PRKG2: variants seen among roughly 807,000 people sequenced by gnomAD.
PRKG2 encodes the protein protein kinase cGMP-dependent 2, also known as cGMP-dependent protein kinase 2.
A neutral mutation model predicts 97.2 loss-of-function variants in PRKG2; 33 were observed. The observed-to-expected ratio is 0.34, with a 90% CI of 0.26 to 0.45. PRKG2 has a LOEUF of 0.45. Among genes scored for constraint, PRKG2 ranks in the 20% least tolerant of loss-of-function variants. The pLI is 1.00. For missense variants in PRKG2, 638 were observed against 900.0 expected, an observed-to-expected ratio of 0.71 and a Z score of 3.73; for synonymous variants, 330 against 321.8, an observed-to-expected ratio of 1.03 and a Z score of -0.27.
At chr4:81,213,308 A>G (rs933776220) in intron 1 of PRKG2, among the ~76,000 whole-genome samples, 3 of 152,230 alleles carry the variant, frequency 2.0e-5, no homozygotes, top group African/African-American at 7.2e-5. Flanking sequence ...ATGAACATAT[A>G]GGTAATATCT....
At chr4:81,116,772 T>C (rs923669858) in intron 14 of PRKG2, among the ~76,000 whole-genome samples, 1 of 152,092 alleles carries the variant, frequency 6.6e-6, no homozygotes, top group Admixed American at 6.6e-5. Context: ...TGATTAGTGA[T>C]GTTGAGCATT....
chr4:81,179,612 G>A (rs1042091936), intron 2 of PRKG2, among the ~76,000 whole-genome samples: 7 of 152,134 alleles, frequency 4.6e-5, no homozygotes, highest in African/African-American at 1.7e-4. Context: ...ATTAAAGAAA[G>A]CTTGTATTTA....
intron 2 of PRKG2, among the ~76,000 whole-genome samples, chr4:81,183,327 G>A (rs1316337924): frequency 6.6e-6 from 1 of 152,072 alleles, no homozygotes; most frequent in Non-Finnish European, 1.5e-5. Flanking sequence ...GAGAGTGGGT[G>A]CAGCCCACGG....
intron 9 of PRKG2, among the ~76,000 whole-genome samples, chr4:81,146,558 A>T (rs1403385359): frequency 6.6e-6 from 1 of 152,186 alleles, no homozygotes; most frequent in African/African-American, 2.4e-5. Context: ...CCTTTGTTAA[A>T]ATCATGAATT....
At chr4:81,217,024 A>T (rs986462626), upstream of PRKG2, among the ~76,000 whole-genome samples, 1 of 105,072 alleles carries the variant, frequency 9.5e-6, no homozygotes, top group Non-Finnish European at 1.9e-5. Flanking sequence ...GTGTGTGTAT[A>T]TATTTTGTAT....
intron 14 of PRKG2, among the ~76,000 whole-genome samples, chr4:81,128,022 TGA>T (rs992935975): frequency 1.5e-4 from 23 of 152,350 alleles, no homozygotes; most frequent in Non-Finnish European, 2.9e-4. Flanking sequence ...CCTAGTTTAT[TGA>T]GAGTTTTTAG....
At chr4:81,123,850 TTTAAAA>T (rs1261168637) in intron 14 of PRKG2, among the ~76,000 whole-genome samples, 2 of 152,226 alleles carry the variant, frequency 1.3e-5, no homozygotes, top group African/African-American at 4.8e-5. Context: ...GCGGCCTTCT[TTTAAAA>T]TAACATTTTC....
At chr4:81,149,291 C>A (rs538553044) in intron 8 of PRKG2, among the ~76,000 whole-genome samples, 3 of 152,002 alleles carry the variant, frequency 2.0e-5, no homozygotes, top group South Asian at 4.2e-4. Flanking sequence ...TATTCACTAA[C>A]AAGAAGGCAA....
At chr4:81,142,046 G>A (rs923277004) in intron 11 of PRKG2, among the ~76,000 whole-genome samples, 10 of 152,150 alleles carry the variant, frequency 6.6e-5, no homozygotes, top group Admixed American at 5.9e-4. Flanking sequence ...AGAAGGACTC[G>A]GTAATTGCCA....
chr4:81,096,081 C>T (rs1048788618), intron 17 of PRKG2, among the ~76,000 whole-genome samples: 5 of 152,112 alleles, frequency 3.3e-5, no homozygotes, highest in African/African-American at 1.2e-4. Context: ...TTGATGGCTG[C>T]TGACTGACAA....
At chr4:81,167,686 G>A (rs1750108086) in intron 5 of PRKG2, among the ~76,000 whole-genome samples, 1 of 151,894 alleles carries the variant, frequency 6.6e-6, no homozygotes, top group African/African-American at 2.4e-5. Flanking sequence ...AGGGAACATG[G>A]GAATTGACAT....
At chr4:81,090,055 T>C (rs990181714) in intron 18 of PRKG2, among the ~76,000 whole-genome samples, 3 of 152,122 alleles carry the variant, frequency 2.0e-5, no homozygotes, top group Non-Finnish European at 4.4e-5. Flanking sequence ...AGAGTTTTCC[T>C]AAAGAAAAAG....
chr4:81,146,904 T>C (rs1035698021), intron 9 of PRKG2, among the ~76,000 whole-genome samples: 1 of 152,118 alleles, frequency 6.6e-6, no homozygotes, highest in Non-Finnish European at 1.5e-5. Context: ...CTGGAATATA[T>C]TTCTGAGTGA....
At chr4:81,207,539 T>C (rs934940211) in intron 1 of PRKG2, among the ~76,000 whole-genome samples, 2 of 152,182 alleles carry the variant, frequency 1.3e-5, no homozygotes, top group African/African-American at 4.8e-5. Context: ...GCATTACAAA[T>C]ATGAAAAGGC....
chr4:81,089,879 T>A, intron 18 of PRKG2, 76 bp from the exon 19 acceptor site: 2 of 1,208,790 alleles, frequency 1.7e-6, no homozygotes, highest in East Asian at 2.4e-5. Context: ...TAATGTTTTT[T>A]ATTTCAGAAC....
At chr4:81,198,932 A>G (rs1227139566) in intron 2 of PRKG2, among the ~76,000 whole-genome samples, 3 of 152,186 alleles carry the variant, frequency 2.0e-5, no homozygotes, top group Non-Finnish European at 4.4e-5. Context: ...TATATCACCC[A>G]GTTACCTTCA....
At chr4:81,114,130 C>A (rs1370142262) in intron 14 of PRKG2, among the ~76,000 whole-genome samples, 1 of 152,012 alleles carries the variant, frequency 6.6e-6, no homozygotes, top group African/African-American at 2.4e-5. Flanking sequence ...TATTTGAAGT[C>A]TTACTTGAAT....
chr4:81,115,254 C>T (rs1744402791), intron 14 of PRKG2, among the ~76,000 whole-genome samples: 1 of 152,174 alleles, frequency 6.6e-6, no homozygotes, highest in South Asian at 2.1e-4. Flanking sequence ...CGCTCTACAT[C>T]TTCACCATCA....
At chr4:81,144,874 T>A (rs1249486868) in intron 9 of PRKG2, among the ~76,000 whole-genome samples, 1 of 151,146 alleles carries the variant, frequency 6.6e-6, no homozygotes, top group Non-Finnish European at 1.5e-5. Context: ...TTTTTGTCCT[T>A]GCGATAGTTT....
Sources: allele counts gnomAD v4.1 joint callset (sites outside exome capture counted in the v4.1 genomes callset), GRCh38; gene constraint gnomAD v4.1.1; transcripts MANE v1.5; gene names NCBI Gene and HGNC (gene_info 2026-07-23, HGNC 2026-07-21).